Variants in CACNA1I observed in about 807,000 individuals in gnomAD.
CACNA1I encodes the protein voltage-dependent T-type calcium channel subunit alpha-1I.
Under a neutral mutation model 201.6 loss-of-function variants are expected in CACNA1I, and 74 were observed. The observed-to-expected ratio is 0.37, with a 90% CI of 0.30 to 0.45. The LOEUF (loss-of-function observed/expected upper bound fraction) is 0.45, where lower values mean the gene tolerates loss of function less well. Ranked by LOEUF, CACNA1I falls within the 20% of genes least tolerant of loss-of-function variation. CACNA1I has a pLI of 1.00. For missense variants in CACNA1I, 2,346 were observed against 3,138.1 expected (o/e 0.75, Z 6.03); for synonymous variants, 1,431 against 1,345.2 (o/e 1.06, Z -1.40).
At chr22:39,635,332 C>A (rs572574769) in intron 5 of CACNA1I, among the ~76,000 whole-genome samples, 5 of 151,142 alleles carry the variant, frequency 3.3e-5, no homozygotes, top group Admixed American at 3.3e-4. Flanking sequence ...GCTCAGGATG[C>A]GGCAGAAGGG....
At chr22:39,610,768 C>T (rs994087622) in intron 3 of CACNA1I, among the ~76,000 whole-genome samples, 1 of 152,162 alleles carries the variant, frequency 6.6e-6, no homozygotes, top group African/African-American at 2.4e-5. Context: ...GTGCTGACTT[C>T]CCTCCCTGGA....
chr22:39,662,530 C>T, intron 17 of CACNA1I, 95 bp downstream of exon 17: 2 of 981,406 alleles, frequency 2.0e-6, no homozygotes, highest in East Asian at 2.9e-5. Context: ...GGCGGGCCCA[C>T]GGGGGGCGTG....
intron 1 of CACNA1I, among the ~76,000 whole-genome samples, chr22:39,591,014 A>C (rs2047313533): frequency 8.4e-6 from 1 of 118,566 alleles, no homozygotes; most frequent in South Asian, 2.9e-4. Context: ...TGGCTAATTA[A>C]AAAATTTTTT....
intron 4 of CACNA1I, 79 bp downstream of exon 4, chr22:39,619,486 G>GGGGGCC (rs1191124295): frequency 1.9e-6 from 2 of 1,037,912 alleles, no homozygotes; most frequent in Non-Finnish European, 2.9e-6. Context: ...CCTAGCCAAT[G>GGGGGCC]CCCACCCCCC....
chr22:39,619,467 C>A (rs1237160778), intron 4 of CACNA1I, 60 bp downstream of exon 4: 41 of 1,297,634 alleles, frequency 3.2e-5, no homozygotes, highest in Non-Finnish European at 4.2e-5. Context: ...CCAACCCATC[C>A]CTGGCCTACC....
intron 1 of CACNA1I, among the ~76,000 whole-genome samples, chr22:39,579,710 G>A (rs909880827): frequency 6.6e-6 from 1 of 151,422 alleles, no homozygotes; most frequent in Non-Finnish European, 1.5e-5. Flanking sequence ...GCCATGGCGC[G>A]ATCTCTGCTC....
chr22:39,659,810 C>T lies in CACNA1I; in HGVS notation c.2562C>T (p.Phe854=), dbSNP rs1241843587. Residue 854 remains phenylalanine (F), a synonymous_variant, in exon 14 of 37, where the codon TTC becomes TTT. Coordinates refer to ENST00000402142, the MANE Select transcript of CACNA1I (RefSeq NM_021096.4). The surrounding 1 kb of genome is among the most constrained non-coding windows in gnomAD (Gnocchi z 4.3). ...TGACCTTCGGCAACTATGTGCTCTT[C>T]AACCTGCTGGTGGCCATCCTGGTGG... is the stretch of plus-strand genomic sequence containing the variant. ...ALMTFGNYVL[F]NLLVAILVEG... is the part of the protein sequence containing the mutation. 1 of 1,613,928 alleles carries T rather than the reference C, an allele frequency of 6.2e-7. No homozygotes were observed. The highest frequency in any genetic ancestry group is 8.5e-7 in the Non-Finnish European group (1 of 1,179,872).
rs1272201954 is a variant in CACNA1I at position 39,649,291 on chromosome 22, G to A, written c.1568-210G>A. Among the ~76,000 whole-genome samples the A allele has an allele frequency of 3.9e-5, 6 of 152,214 alleles. No individual in the cohort carries two copies. Among genetic ancestry groups the A allele is most frequent in the Non-Finnish European group, 7.3e-5 (5 of 68,034 alleles). On this transcript the variant is annotated intron_variant, in intron 9 of 36. Coordinates refer to ENST00000402142, the MANE Select transcript of CACNA1I (RefSeq NM_021096.4). This position sits in a 1 kb window ranked among gnomAD's most constrained non-coding sequence, Gnocchi z 7.3. ...TCCTCCTACAGCCTGCATGGTGGGC[G>A]TTCCTGCCCCAACTTCTACAACAGG...
At chr22:39,683,887 G>A (rs1448950167) in intron 35 of CACNA1I, among the ~76,000 whole-genome samples, 1 of 152,202 alleles carries the variant, frequency 6.6e-6, no homozygotes, top group Admixed American at 6.5e-5. Flanking sequence ...AGGCCCCATG[G>A]TGGGGTCAGG....
At chr22:39,680,027 G>A (rs6001645) in intron 33 of CACNA1I, among the ~76,000 whole-genome samples, 159 bp downstream of exon 33, 12,391 of 152,254 alleles carry the variant, frequency 0.081, 1,714 homozygotes, top group African/African-American at 0.28. Context: ...TTGGCTCCCT[G>A]AGTCAGGGCC....
At chr22:39,609,654 G>A (rs1469625332) in intron 3 of CACNA1I, among the ~76,000 whole-genome samples, 1 of 152,188 alleles carries the variant, frequency 6.6e-6, no homozygotes, top group East Asian at 1.9e-4. Flanking sequence ...GCCAGAACTG[G>A]GTCTGATGGA....
chr22:39,651,516 C>A (rs1037385446), intron 10 of CACNA1I, among the ~76,000 whole-genome samples: 1 of 152,194 alleles, frequency 6.6e-6, no homozygotes, highest in Non-Finnish European at 1.5e-5. Context: ...CCCCCAGGAC[C>A]CCCTTGCTTA....
At chr22:39,640,687 G>A (rs1056720843) in intron 5 of CACNA1I, among the ~76,000 whole-genome samples, 180 bp from the exon 6 acceptor site, 1 of 152,166 alleles carries the variant, frequency 6.6e-6, no homozygotes, top group Non-Finnish European at 1.5e-5. Flanking sequence ...TGGGCCAGTG[G>A]GGGTTTTCAT....
At chr22:39,646,905 G>A (rs751120543) in intron 8 of CACNA1I, 24 bp downstream of exon 8, 13 of 1,460,228 alleles carry the variant, frequency 8.9e-6, no homozygotes, top group Admixed American at 5.5e-5. Flanking sequence ...CATCCGACGC[G>A]GCACTCAGGC....
At chr22:39,639,433 A>C (rs148594380) in intron 5 of CACNA1I, among the ~76,000 whole-genome samples, 183 of 152,324 alleles carry the variant, frequency 1.2e-3, no homozygotes, top group African/African-American at 4.1e-3. Flanking sequence ...TTAACAAAAA[A>C]TATTCCATAT....
intron 17 of CACNA1I, 118 bp from the exon 18 acceptor site, chr22:39,662,658 C>CG (rs568850959): frequency 1.8e-5 from 14 of 782,086 alleles, no homozygotes; most frequent in Middle Eastern, 3.6e-4. Flanking sequence ...TGGCTGCCCC[C>CG]GGGGGGCAGA....
chr22:39,663,687 C>T lies in CACNA1I; in HGVS notation c.3474-31C>T, dbSNP rs752802774. ...TCTGGCCAGGGTGGGAGGCAGCTGA[C>T]GCTCAGGCAGCCCCCGCCCACCCTG... On this transcript the variant is annotated intron_variant, in intron 18 of 36. Transcript: ENST00000402142. 1.6e-5 allele frequency: 25 copies of T among 1,611,576 alleles called. No individual in the cohort carries two copies. The South Asian group carries it at 2.1e-4, about 13-fold the overall frequency.
intron 4 of CACNA1I, among the ~76,000 whole-genome samples, chr22:39,624,019 G>T (rs1933830193): frequency 6.8e-6 from 1 of 148,046 alleles, no homozygotes; most frequent in African/African-American, 2.5e-5. Flanking sequence ...TCCATGAAGG[G>T]GTGTGCCTGT....
chr22:39,644,304 G>A (rs1326372244), intron 7 of CACNA1I, among the ~76,000 whole-genome samples: 1 of 152,170 alleles, frequency 6.6e-6, no homozygotes. Flanking sequence ...GGTAAAGCAC[G>A]ATGCTCCCCG....
Sources: gnomAD v4.1 joint callset for allele counts (sites outside exome capture counted in the v4.1 genomes callset) on GRCh38, gnomAD v4.1.1 for gene constraint, Gnocchi (gnomAD v3.1) non-coding constraint, MANE v1.5 for transcripts, NCBI Gene and HGNC (gene_info 2026-07-23, HGNC 2026-07-21) for gene names.